The following NKAIN2 variants were observed in gnomAD, a reference collection of about 807,000 sequenced individuals.
NKAIN2 encodes the protein sodium/potassium transporting ATPase interacting 2, also known as sodium/potassium-transporting ATPase subunit beta-1-interacting protein 2.
In NKAIN2, 14 loss-of-function variants were observed where a neutral mutation model predicts 32.6. The observed-to-expected ratio is 0.43, with a 90% CI of 0.28 to 0.67. The LOEUF (loss-of-function observed/expected upper bound fraction) is 0.67, where lower values mean the gene tolerates loss of function less well. Among genes scored for constraint, NKAIN2 ranks in the 30% least tolerant of loss-of-function variants. NKAIN2 has a pLI of 0.17. For synonymous variants in NKAIN2, 80 were observed against 87.2 expected, an observed-to-expected ratio of 0.92 and a Z score of 0.46; for missense variants, 198 against 258.3, an observed-to-expected ratio of 0.77 and a Z score of 1.60.
chr6:123,934,254 C>T (rs1776399115), intron 1 of NKAIN2, among the ~76,000 whole-genome samples: 1 of 152,134 alleles, frequency 6.6e-6, no homozygotes, highest in African/African-American at 2.4e-5. Flanking sequence ...CCTATGACTC[C>T]ATAGAATTAT....
intron 3 of NKAIN2, among the ~76,000 whole-genome samples, chr6:124,621,208 A>G (rs889403576): frequency 6.6e-6 from 1 of 152,182 alleles, no homozygotes; most frequent in Non-Finnish European, 1.5e-5. Context: ...CCACTACTCT[A>G]AGGCAATTTA....
At chr6:124,728,471 G>A (rs1422597292) in intron 4 of NKAIN2, among the ~76,000 whole-genome samples, 20 of 111,314 alleles carry the variant, frequency 1.8e-4, no homozygotes, top group Non-Finnish European at 2.5e-4. Flanking sequence ...GGTACATAAC[G>A]AAATGAAGGC....
chr6:124,657,542 A>G (rs1441295457), intron 3 of NKAIN2, among the ~76,000 whole-genome samples: 2 of 152,128 alleles, frequency 1.3e-5, no homozygotes, highest in African/African-American at 4.8e-5. Flanking sequence ...AGAATTTGAT[A>G]ATAATATTTC....
intron 3 of NKAIN2, among the ~76,000 whole-genome samples, chr6:124,657,116 T>C (rs1482280956): frequency 1.3e-5 from 2 of 152,230 alleles, no homozygotes; most frequent in Non-Finnish European, 2.9e-5. Context: ...CCTTTCCATA[T>C]GTTCAATGTG....
At chr6:124,423,313 C>T (rs902975471) in intron 3 of NKAIN2, among the ~76,000 whole-genome samples, 21 of 152,132 alleles carry the variant, frequency 1.4e-4, no homozygotes, top group African/African-American at 5.1e-4. Flanking sequence ...GCTTTGGAGT[C>T]AGAAAGACCT....
In NKAIN2 at chr6:123,932,940, T is replaced by A. The variant is rs542334102; in HGVS notation, c.54+128686T>A. On this transcript the variant is annotated intron_variant, in intron 1 of 6. Transcript: ENST00000368417. ...GTCTGCTATGAACATTTCCAACAGA[T>A]CTCCCTACATTTATTTTACTTACTT... Among the ~76,000 whole-genome samples the A allele has an allele frequency of 1.1e-3, 169 of 152,220 alleles. 1 individual carries two copies. Among genetic ancestry groups the A allele is most frequent in the African/African-American group, 3.7e-3 (155 of 41,534 alleles).
At chr6:124,668,380 T>C (rs1004216794) in intron 4 of NKAIN2, among the ~76,000 whole-genome samples, 1 of 152,170 alleles carries the variant, frequency 6.6e-6, no homozygotes, top group African/African-American at 2.4e-5. Flanking sequence ...TGATTTCCAA[T>C]AGCTCTACCT....
At chr6:124,424,156 G>A (rs1235691051) in intron 3 of NKAIN2, among the ~76,000 whole-genome samples, 2 of 151,988 alleles carry the variant, frequency 1.3e-5, no homozygotes, top group Non-Finnish European at 2.9e-5. Flanking sequence ...ACCATGCCCA[G>A]CTAATTTTTT....
chr6:123,917,698 C>T (rs977077194), intron 1 of NKAIN2, among the ~76,000 whole-genome samples: 1 of 152,046 alleles, frequency 6.6e-6, no homozygotes, highest in Non-Finnish European at 1.5e-5. Context: ...CAAAGCCTGC[C>T]TTCAGGAGAG....
intron 3 of NKAIN2, among the ~76,000 whole-genome samples, chr6:124,492,065 T>A (rs1275007893): frequency 2.6e-5 from 4 of 151,948 alleles, no homozygotes; most frequent in Non-Finnish European, 5.9e-5. Context: ...TGTAAGAGAA[T>A]AAAGGTAAAA....
intron 1 of NKAIN2, among the ~76,000 whole-genome samples, chr6:124,249,973 G>A (rs780660587): frequency 8.5e-5 from 13 of 152,102 alleles, no homozygotes; most frequent in African/African-American, 2.4e-4. Context: ...AAGGGGGACA[G>A]GTGTATTTTG....
At chr6:124,572,620 C>A (rs563802643) in intron 3 of NKAIN2, among the ~76,000 whole-genome samples, 11 of 151,882 alleles carry the variant, frequency 7.2e-5, no homozygotes, top group Admixed American at 1.3e-4. Context: ...AATAGTCACA[C>A]AAAGATATCT....
At chr6:123,817,330 G>A (rs751795300) in intron 1 of NKAIN2, among the ~76,000 whole-genome samples, 11 of 152,078 alleles carry the variant, frequency 7.2e-5, no homozygotes, top group Non-Finnish European at 1.0e-4. Context: ...ACACTAGTTG[G>A]AGTAGCATAC....
intron 1 of NKAIN2, among the ~76,000 whole-genome samples, chr6:123,904,508 CTCT>C (rs1313409434): frequency 2.6e-5 from 4 of 152,180 alleles, no homozygotes; most frequent in African/African-American, 9.7e-5. Context: ...CCGGGTTACC[CTCT>C]CAGACTTTTG....
At chr6:123,805,882 A>G (rs1039704780) in intron 1 of NKAIN2, among the ~76,000 whole-genome samples, 4 of 152,088 alleles carry the variant, frequency 2.6e-5, no homozygotes, top group African/African-American at 9.7e-5. Flanking sequence ...AAAATTTGAA[A>G]AATGTGATTT....
Position 124,279,284 on chromosome 6 carries a change from G to A in NKAIN2, c.55-3721G>A, listed in dbSNP as rs1438275827. Reference sequence around the variant, plus strand: ...GCACTTTGGGAGGCCGACGTGGGCCGATCATGAGGTCAGGAAATCGAGACC... The same window carrying A: ...GCACTTTGGGAGGCCGACGTGGGCCAATCATGAGGTCAGGAAATCGAGACC... On this transcript the variant is annotated intron_variant, in intron 1 of 6. Transcript: ENST00000368417. Among the ~76,000 whole-genome samples, 4 of 152,108 alleles carry A rather than the reference G, an allele frequency of 2.6e-5. No individual in the cohort carries two copies. The South Asian group carries it at 6.2e-4, about 24-fold the overall frequency.
intron 4 of NKAIN2, among the ~76,000 whole-genome samples, chr6:124,726,772 A>G (rs992618702): frequency 1.4e-5 from 2 of 142,788 alleles, no homozygotes; most frequent in Non-Finnish European, 3.0e-5. Context: ...CTATGGGAGG[A>G]CATTCAAACC....
chr6:124,364,895 C>T (rs1044399808), intron 3 of NKAIN2, among the ~76,000 whole-genome samples: 6 of 151,914 alleles, frequency 3.9e-5, no homozygotes, highest in Admixed American at 3.9e-4. Context: ...AACTCAAATG[C>T]ATGACAACAA....
chr6:124,641,473 C>G (rs1276808669), intron 3 of NKAIN2, among the ~76,000 whole-genome samples: 2 of 120,492 alleles, frequency 1.7e-5, no homozygotes, highest in African/African-American at 6.3e-5. Context: ...TACATTATAT[C>G]TTTAGTGAAT....
Sources: gnomAD v4.1 joint callset for allele counts (sites outside exome capture counted in the v4.1 genomes callset) on GRCh38, gnomAD v4.1.1 for gene constraint, MANE v1.5 for transcripts, NCBI Gene and HGNC (gene_info 2026-07-23, HGNC 2026-07-21) for gene names.